The following DHX36 variants were observed in gnomAD, a reference collection of about 807,000 sequenced individuals.
DHX36 encodes the protein ATP-dependent DNA/RNA helicase DHX36.
In DHX36, 50 loss-of-function variants were observed where a neutral mutation model predicts 139.0. The ratio of observed to expected loss-of-function variants is 0.36; its 90% CI spans 0.29 to 0.46. The LOEUF (loss-of-function observed/expected upper bound fraction) is 0.46. Among genes scored for constraint, DHX36 ranks in the 20% least tolerant of loss-of-function variants. The pLI is 1.00. For missense variants in DHX36, 1,024 were observed against 1,211.3 expected (o/e 0.85, Z 2.29); for synonymous variants, 425 against 401.9 (o/e 1.06, Z -0.69).
intron 12 of DHX36, among the ~76,000 whole-genome samples, chr3:154,299,156 C>G (rs1403155883): frequency 6.6e-6 from 1 of 151,882 alleles, no homozygotes; most frequent in Non-Finnish European, 1.5e-5. Flanking sequence ...GCCTGTAATC[C>G]CAGCTACTCT....
chr3:154,310,777 CAAAAAAAAAAAAA>C (rs1170929249), intron 4 of DHX36, among the ~76,000 whole-genome samples: 3 of 4,562 alleles, frequency 6.6e-4, no homozygotes, highest in African/African-American at 1.1e-3. Context: ...GACTCCCTCT[CAAAAAAAAAAAAA>C]AAAAAAAAAA....
intron 20 of DHX36, among the ~76,000 whole-genome samples, chr3:154,282,923 T>C (rs930686724): frequency 6.6e-6 from 1 of 152,162 alleles, no homozygotes; most frequent in African/African-American, 2.4e-5. Flanking sequence ...TCAGTTTGAA[T>C]CATCAAAATA....
At chr3:154,288,281 T>C (rs1711630225) in intron 17 of DHX36, among the ~76,000 whole-genome samples, 1 of 151,702 alleles carries the variant, frequency 6.6e-6, no homozygotes, top group Non-Finnish European at 1.5e-5. Flanking sequence ...ACCACACACA[T>C]TCTGTATGGG....
chr3:154,323,793 T>C (rs1326472307), intron 1 of DHX36, among the ~76,000 whole-genome samples: 1 of 152,224 alleles, frequency 6.6e-6, no homozygotes, highest in Non-Finnish European at 1.5e-5. Context: ...CGCTATGTGC[T>C]TCTTCACCAG....
intron 16 of DHX36, among the ~76,000 whole-genome samples, chr3:154,289,376 CT>C (rs966856398): frequency 1.2e-4 from 18 of 152,184 alleles, no homozygotes; most frequent in African/African-American, 4.3e-4. Flanking sequence ...ACAGTAGCTA[CT>C]GTTTACTAAA....
chr3:154,305,732 T>A (rs1252090112), intron 6 of DHX36, among the ~76,000 whole-genome samples: 1 of 152,182 alleles, frequency 6.6e-6, no homozygotes, highest in South Asian at 2.1e-4. Flanking sequence ...ACCACTGCAC[T>A]TCAGCCAGAG....
At chr3:154,310,827 A>ATGTG (rs1338398085) in intron 4 of DHX36, among the ~76,000 whole-genome samples, 2 of 35,766 alleles carry the variant, frequency 5.6e-5, no homozygotes, top group African/African-American at 3.3e-4. Context: ...ATATATATAT[A>ATGTG]TATATATATA....
At chr3:154,322,513 A>C (rs1713231363) in intron 1 of DHX36, among the ~76,000 whole-genome samples, 5 of 152,246 alleles carry the variant, frequency 3.3e-5, no homozygotes, top group Admixed American at 3.3e-4. Context: ...TATATTAACA[A>C]GGCAGAGATT....
chr3:154,309,080 T>TG lies in DHX36; in HGVS notation c.813+572dup, dbSNP rs1274328831. 3.3e-5 allele frequency among the ~76,000 whole-genome samples: 5 copies of TG among 151,780 alleles called. No homozygotes were observed. In the East Asian group the frequency reaches 7.7e-4, roughly 24 times the overall value. On this transcript the variant is annotated intron_variant, in intron 5 of 24. Coordinates refer to ENST00000496811, the MANE Select transcript of DHX36 (RefSeq NM_020865.3). ...GCACATGCCTATAGTACCACCTACT[T>TG]GGGGGGCGGAGGCAGGAGGATCACT...
At chr3:154,287,514 A>C (rs555880162) in intron 17 of DHX36, among the ~76,000 whole-genome samples, 9 of 151,796 alleles carry the variant, frequency 5.9e-5, no homozygotes, top group African/African-American at 2.2e-4. Context: ...AATTAGCCAG[A>C]CATGGTGGCA....
chr3:154,307,091 T>C (rs983233902), intron 5 of DHX36, among the ~76,000 whole-genome samples: 4 of 152,132 alleles, frequency 2.6e-5, no homozygotes, highest in African/African-American at 7.2e-5. Context: ...GGTTTATTTT[T>C]CACCATTCTG....
In DHX36 at chr3:154,284,825, C is replaced by G. The variant is rs370305174; in HGVS notation, c.2194G>C (p.Val732Leu). ...AASLSFKDPF[V>L]IPLGKEKIAD... ...TCCATTTTTCTTACCAGTGGAATGA[C>G]AAATGGATCTTTGAAACTGAGACTA... The change falls in exon 18 of 25, where the codon GTC becomes CTC. Residue 732 changes from valine to leucine, a missense_variant. Around this residue, in one of 4 missense-constraint regions of DHX36, gnomAD observed 470 missense variants for 616.2 expected, o/e 0.76. Transcript: ENST00000496811. The G allele has an allele frequency of 6.2e-7, 1 of 1,613,760 alleles. No homozygotes were observed. Among genetic ancestry groups the G allele is most frequent in the Non-Finnish European group, 8.5e-7 (1 of 1,179,822 alleles).
At chr3:154,288,154 A>AG (rs1371090815) in intron 17 of DHX36, among the ~76,000 whole-genome samples, 16 of 150,410 alleles carry the variant, frequency 1.1e-4, no homozygotes, top group Non-Finnish European at 4.4e-5. Context: ...TCTCAAAAAA[A>AG]AAAAAAAAAA....
chr3:154,311,242 A>AT (rs1712753262), intron 4 of DHX36, among the ~76,000 whole-genome samples: 1 of 152,176 alleles, frequency 6.6e-6, no homozygotes, highest in African/African-American at 2.4e-5. Context: ...ATGTTAAGAT[A>AT]TAGTGTAATA....
In DHX36 at chr3:154,292,558, C is replaced by T; in HGVS notation, c.1807G>A (p.Ala603Thr). 6.2e-7 allele frequency: 1 copy of T among 1,614,062 alleles called. No individual in the cohort carries two copies. The highest frequency in any genetic ancestry group is 8.5e-7 in the Non-Finnish European group (1 of 1,179,990). ...ACAGAGTTCCCACCTTACCTTCCAGCTCGACCTTTTCTCTGTTTGGCATTA... is the reference window on the plus strand; with the variant it reads ...ACAGAGTTCCCACCTTACCTTCCAGTTCGACCTTTTCTCTGTTTGGCATTA... ...KANAKQRKGR[A>T]GRVQPGHCYH... Residue 603 changes from alanine to threonine, a missense_variant, in exon 15 of 25, where the codon GCT (alanine) becomes ACT (threonine). Around this residue, in one of 4 missense-constraint regions of DHX36, gnomAD observed 470 missense variants for 616.2 expected, o/e 0.76. Coordinates refer to ENST00000496811, the MANE Select transcript of DHX36 (RefSeq NM_020865.3).
At chr3:154,301,966 G>A (rs1712313750) in intron 9 of DHX36, among the ~76,000 whole-genome samples, 1 of 151,630 alleles carries the variant, frequency 6.6e-6, no homozygotes, top group Non-Finnish European at 1.5e-5. Context: ...CTGACTAGCT[G>A]TGTAACCTTA....
At chr3:154,285,217 G>C (rs1057138990) in intron 17 of DHX36, among the ~76,000 whole-genome samples, 12 of 152,158 alleles carry the variant, frequency 7.9e-5, no homozygotes, top group Non-Finnish European at 1.2e-4. Flanking sequence ...GCTTTTCTGT[G>C]TTGAGAGAAA....
intron 2 of DHX36, among the ~76,000 whole-genome samples, chr3:154,315,609 C>CT (rs1057204544): frequency 5.9e-5 from 9 of 152,184 alleles, no homozygotes; most frequent in Admixed American, 2.0e-4. Flanking sequence ...GTCACAACAT[C>CT]TTTTTTTCTT....
chr3:154,286,885 A>G (rs1711567071), intron 17 of DHX36, among the ~76,000 whole-genome samples: 1 of 152,092 alleles, frequency 6.6e-6, no homozygotes, highest in Non-Finnish European at 1.5e-5. Context: ...GTGCAAGCAC[A>G]GCTCACTGTG....
Sources: gnomAD v4.1 joint callset for allele counts (sites outside exome capture counted in the v4.1 genomes callset) on GRCh38, gnomAD v4.1.1 for gene constraint, gnomAD v4.1.1 regional missense constraint, MANE v1.5 for transcripts, NCBI Gene and HGNC (gene_info 2026-07-23, HGNC 2026-07-21) for gene names.